Variants in ADGRL3 observed in about 807,000 individuals in gnomAD.
ADGRL3 encodes the protein adhesion G protein-coupled receptor L3.
In ADGRL3, 62 loss-of-function variants were observed where a neutral mutation model predicts 153.5. That is an observed-to-expected ratio of 0.40 (90% CI 0.33 to 0.50). The LOEUF (loss-of-function observed/expected upper bound fraction) is 0.50. ADGRL3 is among the 20% of genes least tolerant of loss of function. The pLI, the probability that ADGRL3 is intolerant of heterozygous loss-of-function variation, is 0.47. For synonymous variants in ADGRL3, 710 were observed against 672.5 expected, an observed-to-expected ratio of 1.06 and a Z score of -0.86; for missense variants, 1,641 against 1,859.4, an observed-to-expected ratio of 0.88 and a Z score of 2.16.
intron 1 of ADGRL3, among the ~76,000 whole-genome samples, chr4:61,213,248 A>G (rs575587773): frequency 2.0e-5 from 3 of 152,244 alleles, no homozygotes; most frequent in African/African-American, 7.2e-5. Flanking sequence ...GTTAGTCCAT[A>G]TGTTTTATTT....
intron 1 of ADGRL3, among the ~76,000 whole-genome samples, chr4:61,256,850 G>T (rs1317148811): frequency 1.3e-5 from 2 of 152,086 alleles, no homozygotes; most frequent in Admixed American, 6.5e-5. Flanking sequence ...AGTGGAAAAA[G>T]AATCTGTGCC....
intron 9 of ADGRL3, among the ~76,000 whole-genome samples, chr4:61,867,003 G>C (rs1453777675): frequency 6.6e-6 from 1 of 152,020 alleles, no homozygotes; most frequent in Non-Finnish European, 1.5e-5. Flanking sequence ...TTGACTTTGT[G>C]GGGAGCTTCT....
intron 13 of ADGRL3, among the ~76,000 whole-genome samples, chr4:61,918,374 T>A (rs2098753886): frequency 6.6e-6 from 1 of 152,196 alleles, no homozygotes; most frequent in African/African-American, 2.4e-5. Flanking sequence ...GTTAAATATG[T>A]CATTAAATAT....
intron 2 of ADGRL3, among the ~76,000 whole-genome samples, chr4:61,491,785 A>G (rs1162644028): frequency 6.6e-6 from 1 of 152,182 alleles, no homozygotes; most frequent in African/African-American, 2.4e-5. Flanking sequence ...GCCAAATTAT[A>G]CCTTGATACA....
At chr4:61,267,515 T>G (rs1009347244) in intron 1 of ADGRL3, among the ~76,000 whole-genome samples, 10 of 151,874 alleles carry the variant, frequency 6.6e-5, no homozygotes, top group Non-Finnish European at 1.0e-4. Context: ...TTTCTCATCT[T>G]TCTTTTGATT....
chr4:61,320,591 C>T (rs1336500303), intron 1 of ADGRL3, among the ~76,000 whole-genome samples: 1 of 152,164 alleles, frequency 6.6e-6, no homozygotes, highest in Non-Finnish European at 1.5e-5. Flanking sequence ...TAGGAAACCT[C>T]CATCTCTGCT....
rs142781997 is a variant in ADGRL3, at chr4:61,888,073, A to C, written c.1481-4583A>C. Among the ~76,000 whole-genome samples the C allele has an allele frequency of 2.8e-3, 431 of 152,302 alleles. 3 individuals carry two copies. The highest frequency in any genetic ancestry group is 9.6e-3 in the African/African-American group (399 of 41,568). On this transcript the variant is annotated intron_variant, in intron 9 of 26. Coordinates refer to ENST00000683033, the MANE Select transcript of ADGRL3 (RefSeq NM_001387552.1). ...TAAATTTCAAAGGACAGGAGAATTA[A>C]AATTTTCTTTGGGAAGCAAGATTAT...
At chr4:61,626,641 A>C (rs1303687055) in intron 5 of ADGRL3, among the ~76,000 whole-genome samples, 1 of 152,102 alleles carries the variant, frequency 6.6e-6, no homozygotes, top group Non-Finnish European at 1.5e-5. Flanking sequence ...TTATAACTTT[A>C]TGAAGGAAAA....
intron 13 of ADGRL3, among the ~76,000 whole-genome samples, chr4:61,917,461 G>C (rs2098750069): frequency 6.6e-6 from 1 of 152,134 alleles, no homozygotes; most frequent in Non-Finnish European, 1.5e-5. Context: ...AGGAGACTCT[G>C]ATGAAAAAGT....
chr4:61,690,991 C>A (rs2095530009), intron 6 of ADGRL3, among the ~76,000 whole-genome samples: 2 of 152,122 alleles, frequency 1.3e-5, no homozygotes, highest in African/African-American at 4.8e-5. Context: ...GGTTCAAATA[C>A]CAAGTTTGAG....
chr4:61,737,053 T>A (rs781068215), intron 8 of ADGRL3, among the ~76,000 whole-genome samples: 1 of 152,096 alleles, frequency 6.6e-6, no homozygotes, highest in Non-Finnish European at 1.5e-5. Context: ...GGTATTTTTC[T>A]TTAGTAAATT....
At chr4:61,264,898 A>G (rs886640284) in intron 1 of ADGRL3, among the ~76,000 whole-genome samples, 1 of 151,956 alleles carries the variant, frequency 6.6e-6, no homozygotes, top group South Asian at 2.1e-4. Flanking sequence ...ACAAGCTAAG[A>G]AGGCCAAGGT....
intron 17 of ADGRL3, among the ~76,000 whole-genome samples, chr4:61,960,695 G>C (rs1465780720): frequency 2.0e-5 from 3 of 149,666 alleles, no homozygotes; most frequent in Admixed American, 2.0e-4. Flanking sequence ...ATATGGATTA[G>C]TGTTTTTTGT....
intron 17 of ADGRL3, among the ~76,000 whole-genome samples, chr4:61,964,315 T>C (rs538603503): frequency 6.6e-6 from 1 of 152,344 alleles, no homozygotes; most frequent in Admixed American, 6.5e-5. Context: ...AAATATGACT[T>C]ATTAATTCAC....
intron 5 of ADGRL3, among the ~76,000 whole-genome samples, chr4:61,607,728 A>G (rs1206226114): frequency 6.6e-6 from 1 of 152,206 alleles, no homozygotes; most frequent in African/African-American, 2.4e-5. Context: ...CTATGCCTAC[A>G]TTTTTGCAGA....
intron 9 of ADGRL3, among the ~76,000 whole-genome samples, chr4:61,829,061 T>C (rs997961921): frequency 2.6e-5 from 4 of 152,228 alleles, no homozygotes; most frequent in African/African-American, 9.6e-5. Flanking sequence ...AATAAACATG[T>C]GTGGTACTTT....
At chr4:61,927,274 T>C in intron 13 of ADGRL3, among the ~76,000 whole-genome samples, 1 of 152,116 alleles carries the variant, frequency 6.6e-6, no homozygotes, top group African/African-American at 2.4e-5. Flanking sequence ...ATGATAGAGA[T>C]TTATTTGACA....
At chr4:61,855,845 T>C (rs2098257382) in intron 9 of ADGRL3, among the ~76,000 whole-genome samples, 1 of 152,114 alleles carries the variant, frequency 6.6e-6, no homozygotes, top group African/African-American at 2.4e-5. Context: ...GTCCCGAATT[T>C]TGAGGATGTT....
rs751513777 is a variant in ADGRL3 at position 62,070,699 on chromosome 4, G to A, written c.4423G>A (p.Glu1475Lys). The change falls in exon 27 of 27, where the codon GAA becomes AAA. Residue 1475 changes from glutamate to lysine, a missense_variant. By Grantham distance (56) the Glu-to-Lys change is moderately conservative. Transcript: ENST00000683033. The stretch of plus-strand genomic sequence containing the variant: ...GAGTGTTACCACCAGCACCCAGACC[G>A]AACCCCCACCGGCCAAATGTGGTGA... The part of the protein sequence containing the change: ...TESVTTSTQT[E>K]PPPAKCGDAE... 4.1e-5 allele frequency: 63 copies of A among 1,551,344 alleles called. No homozygotes were observed. The Admixed American group carries it at 5.3e-4, about 13-fold the overall frequency.
Sources: gnomAD v4.1 joint callset for allele counts (sites outside exome capture counted in the v4.1 genomes callset) on GRCh38, gnomAD v4.1.1 for gene constraint, MANE v1.5 for transcripts, NCBI Gene and HGNC (gene_info 2026-07-23, HGNC 2026-07-21) for gene names.